Variants in SNX29 observed in about 807,000 individuals in gnomAD.
SNX29 encodes sorting nexin-29.
Under a neutral mutation model 102.1 loss-of-function variants are expected in SNX29, and 78 were observed. The ratio of observed to expected loss-of-function variants is 0.76; its 90% confidence interval spans 0.64 to 0.92. The LOEUF (loss-of-function observed/expected upper bound fraction) is 0.92. Among genes scored for constraint, SNX29 ranks in the 40% least tolerant of loss-of-function variants. SNX29 has a pLI of 0.00. For missense variants in SNX29, 1,280 were observed against 1,061.7 expected (o/e 1.21, Z -2.86); for synonymous variants, 580 against 414.5 (o/e 1.40, Z -4.85).
intron 14 of SNX29, among the ~76,000 whole-genome samples, chr16:12,207,091 A>G (rs1463763945): frequency 6.6e-6 from 1 of 152,070 alleles, no homozygotes; most frequent in Non-Finnish European, 1.5e-5. Flanking sequence ...AGGCTAGGCC[A>G]AGCGCGGTTG....
In SNX29 at chr16:12,568,614, G is replaced by A. The variant is rs1032756054; in HGVS notation, c.2427G>A (p.Gln809=). ...QPRETRNVEP[Q]SGDL ...GGGAGACCCGCAACGTGGAGCCCCA[G>A]AGCGGTGACCTCTGACCTCGACAAA... The change falls in exon 21 of 21, where the codon CAG becomes CAA. Residue 809 remains glutamine, a synonymous_variant. Coordinates refer to ENST00000566228, the MANE Select transcript of SNX29 (RefSeq NM_032167.5). The A allele has an allele frequency of 9.4e-6, 15 of 1,604,020 alleles. No homozygotes were observed. In the Admixed American group the frequency reaches 1.0e-4, roughly 11 times the overall value.
chr16:12,286,749 T>C lies in SNX29; in HGVS notation c.1782+8713T>C, dbSNP rs117224396. On this transcript the variant is annotated intron_variant, in intron 15 of 20. Coordinates refer to ENST00000566228, the MANE Select transcript of SNX29 (RefSeq NM_032167.5). ...CCCATCACCTGGCTGTAGCTGTTAGTACCTCTTGGCCAGTCTTGCTTCATC... is the reference window on the plus strand; with the variant it reads ...CCCATCACCTGGCTGTAGCTGTTAGCACCTCTTGGCCAGTCTTGCTTCATC... Among the ~76,000 whole-genome samples the C allele has an allele frequency of 4.2e-3, 647 of 152,320 alleles. 2 individuals are homozygous for C. The highest frequency in any genetic ancestry group is 7.3e-3 in the Non-Finnish European group (496 of 68,030).
At chr16:12,549,659 G>C (rs769478092) in intron 20 of SNX29, among the ~76,000 whole-genome samples, 1 of 152,222 alleles carries the variant, frequency 6.6e-6, no homozygotes, top group Non-Finnish European at 1.5e-5. Flanking sequence ...AAACCAGCTT[G>C]AGGCAGTCCC....
intron 13 of SNX29, among the ~76,000 whole-genome samples, chr16:12,169,920 G>C (rs867704837): frequency 6.6e-6 from 1 of 151,876 alleles, no homozygotes; most frequent in African/African-American, 2.4e-5. Context: ...GGATTACAGG[G>C]GTGAGCCACC....
intron 14 of SNX29, among the ~76,000 whole-genome samples, chr16:12,261,442 C>G (rs951679066): frequency 7.1e-6 from 1 of 140,744 alleles, no homozygotes; most frequent in African/African-American, 2.7e-5. Context: ...GTGCACGTGT[C>G]CCCCGCTGGA....
intron 14 of SNX29, among the ~76,000 whole-genome samples, chr16:12,225,977 C>T (rs766391041): frequency 3.9e-5 from 6 of 152,188 alleles, no homozygotes; most frequent in Non-Finnish European, 5.9e-5. Context: ...AACTAGCCAG[C>T]ATCCAGCCCT....
intron 16 of SNX29, among the ~76,000 whole-genome samples, chr16:12,379,624 T>C (rs1401067682): frequency 6.6e-6 from 1 of 152,180 alleles, no homozygotes; most frequent in Non-Finnish European, 1.5e-5. Flanking sequence ...GGGAGGTGAT[T>C]ATAAAAGGGA....
At chr16:12,549,867 A>C (rs1195203638) in intron 20 of SNX29, among the ~76,000 whole-genome samples, 2 of 152,262 alleles carry the variant, frequency 1.3e-5, no homozygotes, top group East Asian at 3.8e-4. Flanking sequence ...GAAACAGCCA[A>C]AGATGGTTCA....
intron 18 of SNX29, among the ~76,000 whole-genome samples, chr16:12,465,251 T>C (rs1033575218): frequency 1.3e-5 from 2 of 150,328 alleles, no homozygotes; most frequent in Admixed American, 6.6e-5. Flanking sequence ...TTTTTGCTTA[T>C]ATTGCCTGTG....
At chr16:12,358,898 C>T (rs182043499) in intron 16 of SNX29, among the ~76,000 whole-genome samples, 12 of 152,304 alleles carry the variant, frequency 7.9e-5, no homozygotes, top group Admixed American at 2.6e-4. Context: ...ATGGAAGCTC[C>T]GCACCGCTTC....
intron 19 of SNX29, among the ~76,000 whole-genome samples, chr16:12,483,642 G>T (rs2088083750): frequency 6.6e-6 from 1 of 152,144 alleles, no homozygotes; most frequent in African/African-American, 2.4e-5. Flanking sequence ...CACAGGTGTG[G>T]GGTTTGTTTA....
intron 14 of SNX29, among the ~76,000 whole-genome samples, chr16:12,231,837 A>G (rs1781931513): frequency 6.6e-6 from 1 of 152,212 alleles, no homozygotes; most frequent in Non-Finnish European, 1.5e-5. Flanking sequence ...CTAGCTCCTT[A>G]TATTTGTAAT....
chr16:12,347,504 C>T (rs2081849048), intron 15 of SNX29, among the ~76,000 whole-genome samples: 1 of 152,172 alleles, frequency 6.6e-6, no homozygotes, highest in Non-Finnish European at 1.5e-5. Context: ...CCACCTCCCT[C>T]CCTTCCAGAC....
chr16:12,144,469 C>T (rs1482933091), intron 13 of SNX29, among the ~76,000 whole-genome samples: 1 of 152,184 alleles, frequency 6.6e-6, no homozygotes, highest in Non-Finnish European at 1.5e-5. Flanking sequence ...GGTGATTAGA[C>T]CATGAGCGCT....
intron 17 of SNX29, among the ~76,000 whole-genome samples, chr16:12,403,206 G>GTATGTA (rs1567527799): frequency 9.3e-6 from 1 of 107,230 alleles, no homozygotes; most frequent in South Asian, 4.1e-4. Flanking sequence ...GTGTGTATGT[G>GTATGTA]TGTGTGTGTG....
rs2087722751 is a variant in SNX29 at position 12,477,762 on chromosome 16, G to A, written c.2081G>A (p.Arg694Gln). Residue 694 changes from arginine to glutamine, a missense_variant, in exon 19 of 21, where the codon CGG becomes CAG. Transcript: ENST00000566228. ...GACGATGAATGGAATATTTATCGCCGGTATACAGAGTTCAGGAGTTTGCAC... is the reference window on the plus strand; with the variant it reads ...GACGATGAATGGAATATTTATCGCCAGTATACAGAGTTCAGGAGTTTGCAC... ...IKDDEWNIYRRYTEFRSLHHK... is the reference protein window; with the variant it reads ...IKDDEWNIYRQYTEFRSLHHK... 1 of 1,613,014 alleles carries A rather than the reference G, an allele frequency of 6.2e-7. No individual in the cohort carries two copies. Among genetic ancestry groups the A allele is most frequent in the Non-Finnish European group, 8.5e-7 (1 of 1,179,634 alleles).
chr16:12,193,300 T>A (rs1384256630), intron 13 of SNX29, among the ~76,000 whole-genome samples: 2 of 151,894 alleles, frequency 1.3e-5, no homozygotes, highest in African/African-American at 4.8e-5. Flanking sequence ...CAAAACCCCG[T>A]CCCTACTGAA....
intron 3 of SNX29, among the ~76,000 whole-genome samples, chr16:12,013,530 T>A (rs1217950361): frequency 2.1e-4 from 24 of 115,706 alleles, no homozygotes; most frequent in South Asian, 2.1e-3. Context: ...TATATATATA[T>A]ATATATATAT....
At chr16:12,230,613 A>G (rs539600616) in intron 14 of SNX29, among the ~76,000 whole-genome samples, 1 of 152,336 alleles carries the variant, frequency 6.6e-6, no homozygotes, top group South Asian at 2.1e-4. Flanking sequence ...GACAAATTTT[A>G]GCATTTGTTT....
Sources: allele counts gnomAD v4.1 joint callset (sites outside exome capture counted in the v4.1 genomes callset), GRCh38; gene constraint gnomAD v4.1.1; transcripts MANE v1.5; gene names NCBI Gene and HGNC (gene_info 2026-07-23, HGNC 2026-07-21).